The following ING5 variants were observed in gnomAD, a reference collection of about 807,000 sequenced individuals.
ING5 encodes inhibitor of growth protein 5.
A neutral mutation model predicts 37.4 loss-of-function variants in ING5; 17 were observed. The ratio of observed to expected loss-of-function variants is 0.45; its 90% CI spans 0.31 to 0.68. The LOEUF is 0.68. Among genes scored for constraint, ING5 ranks in the 30% least tolerant of loss-of-function variants. The pLI is 0.05. For synonymous variants in ING5, 123 were observed against 116.6 expected (o/e 1.06, Z -0.36); for missense variants, 233 against 311.9 (o/e 0.75, Z 1.91).
intron 5 of ING5, chr2:241,720,569 C>G: frequency 3.0e-6 from 3 of 986,998 alleles, no homozygotes; most frequent in Non-Finnish European, 3.6e-6. Flanking sequence ...AGGGCAGTGT[C>G]ACCTGTAGCA....
At chr2:241,700,978 CT>C (rs71049600), upstream of ING5, among the ~76,000 whole-genome samples, 4,626 of 140,736 alleles carry the variant, frequency 0.033, 102 homozygotes, top group Middle Eastern at 0.13. Flanking sequence ...TTAAAATTTT[CT>C]TTTTTTTTTT....
intron 2 of ING5, among the ~76,000 whole-genome samples, chr2:241,692,462 C>G (rs568151683): frequency 6.7e-6 from 1 of 148,856 alleles, no homozygotes; most frequent in East Asian, 2.1e-4. Context: ...GCACACACAT[C>G]TGGCTTTTTT....
intron 2 of ING5, among the ~76,000 whole-genome samples, chr2:241,693,642 A>G (rs1341871222): frequency 6.8e-6 from 1 of 146,448 alleles, no homozygotes; most frequent in African/African-American, 2.5e-5. Context: ...TTGCACTGAG[A>G]AATACAACTC....
intron 2 of ING5, among the ~76,000 whole-genome samples, chr2:241,708,449 T>C (rs895715345): frequency 2.7e-5 from 4 of 147,902 alleles, no homozygotes; most frequent in African/African-American, 5.0e-5. Flanking sequence ...CCTCGTGATC[T>C]GCCCGCCTCG....
intron 5 of ING5, among the ~76,000 whole-genome samples, chr2:241,715,776 C>T (rs368734225): frequency 2.7e-5 from 4 of 147,708 alleles, no homozygotes; most frequent in East Asian, 3.9e-4. Context: ...CGTGAGCCAC[C>T]GCACCTGACC....
upstream of ING5, among the ~76,000 whole-genome samples, chr2:241,697,657 G>C (rs1368837134): frequency 8.2e-6 from 1 of 122,278 alleles, no homozygotes; most frequent in Non-Finnish European, 1.7e-5. Flanking sequence ...AAAATGATCA[G>C]TGGTTGCCAG....
upstream of ING5, among the ~76,000 whole-genome samples, chr2:241,700,790 T>G (rs1413349243): frequency 6.6e-6 from 1 of 151,878 alleles, no homozygotes; most frequent in Admixed American, 6.6e-5. Flanking sequence ...CACGCCCGGG[T>G]AATTTTTGTA....
chr2:241,712,701 T>A (rs1283643714), intron 5 of ING5, among the ~76,000 whole-genome samples: 1 of 152,108 alleles, frequency 6.6e-6, no homozygotes, highest in Non-Finnish European at 1.5e-5. Context: ...CCACGAAGCC[T>A]CTGTGGAGAT....
rs750657262 is a variant in ING5, at chr2:241,702,040, G to T, written c.-26G>T. On this transcript the variant is annotated 5_prime_UTR_variant, in exon 1 of 8. Coordinates refer to ENST00000313552, the MANE Select transcript of ING5 (RefSeq NM_032329.6). ...TCCCGCGGCACCGCCCGCCCGCGCAGACCCCGAGCGCGGCCGCGGACGAAG... is the reference window on the plus strand; with the variant it reads ...TCCCGCGGCACCGCCCGCCCGCGCATACCCCGAGCGCGGCCGCGGACGAAG... 2.2e-6 allele frequency: 3 copies of T among 1,369,422 alleles called. No individual in the cohort carries two copies. The highest frequency in any genetic ancestry group is 1.5e-5 in the South Asian group (1 of 64,628). 84.8% of individuals were successfully genotyped at this position (1,369,422 alleles called of 1,614,324 possible).
rs989078985 is a variant in ING5 at position 241,710,490 on chromosome 2, G to GT, written c.277-876dup. 6.6e-3 allele frequency among the ~76,000 whole-genome samples: 949 copies of GT among 143,256 alleles called. 4 individuals are homozygous for GT. The highest frequency in any genetic ancestry group is 0.023 in the Middle Eastern group (6 of 264). 94.0% of individuals were successfully genotyped at this position (143,256 alleles called of 152,430 possible). ...GGCTAATTTTTGTTTTTGGTTTTTG[G>GT]TTTTTTTTTTTGAGACAGAGCTTCG... On this transcript the variant is annotated intron_variant, in intron 3 of 7. Coordinates refer to ENST00000313552, the MANE Select transcript of ING5 (RefSeq NM_032329.6).
intron 5 of ING5, chr2:241,719,570 G>A: frequency 6.5e-7 from 1 of 1,536,124 alleles, no homozygotes; most frequent in Non-Finnish European, 8.7e-7. Context: ...GTGAAAGTGG[G>A]ACTCCTCCTG....
upstream of ING5, among the ~76,000 whole-genome samples, chr2:241,699,038 T>A (rs4675894): frequency 7.2e-5 from 10 of 139,046 alleles, no homozygotes; most frequent in Non-Finnish European, 1.2e-4. Context: ...AATTTTTTTT[T>A]GGGGGGGGAG....
intron 1 of ING5, among the ~76,000 whole-genome samples, 173 bp downstream of exon 1, chr2:241,702,275 A>AGGGCGCGGGGGGC (rs1029591376): frequency 1.4e-5 from 2 of 141,784 alleles, no homozygotes; most frequent in Non-Finnish European, 3.1e-5. Flanking sequence ...AAGGGAGGGG[A>AGGGCGCGGGGGGC]GGGCGCGGGG....
At chr2:241,701,565 G>A (rs1396983831), upstream of ING5, among the ~76,000 whole-genome samples, 1 of 152,024 alleles carries the variant, frequency 6.6e-6, no homozygotes, top group Non-Finnish European at 1.5e-5. Context: ...GAGGCCCCGG[G>A]GGCTCGGGGT....
At chr2:241,708,246 C>T (rs1347069113) in intron 2 of ING5, among the ~76,000 whole-genome samples, 25 of 147,854 alleles carry the variant, frequency 1.7e-4, no homozygotes, top group Non-Finnish European at 2.8e-4. Flanking sequence ...CTCACTCTTT[C>T]GCCCAGGCCG....
intron 3 of ING5, 87 bp from the exon 4 acceptor site, chr2:241,711,290 T>C (rs1042499757): frequency 2.3e-6 from 2 of 856,680 alleles, no homozygotes; most frequent in Admixed American, 3.0e-5. Context: ...GGCAAGAAGG[T>C]GTTTCCTGGT....
intron 1 of ING5, 139 bp from the exon 2 acceptor site, chr2:241,704,514 G>A: frequency 1.5e-6 from 1 of 670,494 alleles, no homozygotes; most frequent in Non-Finnish European, 2.7e-6. Flanking sequence ...GTTGCAGTGA[G>A]CCAAGATCGC....
In ING5 at chr2:241,727,705, G is replaced by A. The variant is rs1691680244; in HGVS notation, c.*2674G>A. On this transcript the variant is annotated 3_prime_UTR_variant, in exon 8 of 8. Coordinates refer to ENST00000313552, the MANE Select transcript of ING5 (RefSeq NM_032329.6). Reference sequence around the variant, plus strand: ...TTGGGAAGAGGGATAGGTAAGTGCAGGGAGTTTGTGCTGAAACAGCGCCTG... The same window carrying A: ...TTGGGAAGAGGGATAGGTAAGTGCAAGGAGTTTGTGCTGAAACAGCGCCTG... The A allele has an allele frequency of 6.6e-6, 1 of 152,272 alleles. No homozygotes were observed. The highest frequency in any genetic ancestry group is 2.1e-4 in the South Asian group (1 of 4,834). The allele number at this position is 152,272 out of a possible 1,614,324, so 9.4% of individuals were successfully genotyped here. A position where few individuals can be genotyped will look rare whatever the true frequency, so the allele number is the denominator to read the frequency against.
chr2:241,720,156 C>G, intron 5 of ING5: 1 of 1,236,530 alleles, frequency 8.1e-7, no homozygotes. Context: ...CCTGGCCTGC[C>G]GGGGCGGGAG....
Sources: gnomAD v4.1 joint callset for allele counts (sites outside exome capture counted in the v4.1 genomes callset) on GRCh38, gnomAD v4.1.1 for gene constraint, MANE v1.5 for transcripts, NCBI Gene and HGNC (gene_info 2026-07-23, HGNC 2026-07-21) for gene names.